Variants in VAT1L observed in about 807,000 individuals in gnomAD.
VAT1L encodes the protein vesicle amine transport 1 like, also known as putative NADPH-dependent quinone oxidoreductase VAT1L.
VAT1L carries 34 observed loss-of-function variants against 44.1 expected under a neutral mutation model. That is an observed-to-expected ratio of 0.77 (90% confidence interval 0.59 to 1.03). VAT1L has a LOEUF of 1.03. Among genes scored for constraint, VAT1L ranks in the 50% least tolerant of loss-of-function variants. The pLI, the probability that VAT1L is intolerant of heterozygous loss-of-function variation, is 0.00. For synonymous variants in VAT1L, 253 were observed against 202.2 expected, an observed-to-expected ratio of 1.25 and a Z score of -2.13; for missense variants, 615 against 538.8, an observed-to-expected ratio of 1.14 and a Z score of -1.40.
At chr16:77,943,760 A>C (rs559159223) in intron 7 of VAT1L, among the ~76,000 whole-genome samples, 1 of 152,232 alleles carries the variant, frequency 6.6e-6, no homozygotes, top group South Asian at 2.1e-4. Flanking sequence ...CAGACAAGTC[A>C]CTTAGCCTCT....
chr16:77,929,418 C>A (rs1284425360), intron 7 of VAT1L, among the ~76,000 whole-genome samples: 1 of 152,148 alleles, frequency 6.6e-6, no homozygotes, highest in African/African-American at 2.4e-5. Context: ...AGTTTCAAGA[C>A]AAGCTGAATT....
In VAT1L at chr16:77,826,957, T is replaced by G. The variant is rs1828908422; in HGVS notation, c.579+1496T>G. 2.0e-5 allele frequency among the ~76,000 whole-genome samples: 3 copies of G among 152,176 alleles called. 1 individual carries two copies. The South Asian group carries it at 6.2e-4, about 31-fold the overall frequency. On this transcript the variant is annotated intron_variant, in intron 3 of 8. Transcript: ENST00000302536. ...ACCGTTGATTTTAAAAAAGAAAAAC[T>G]TGGCTTTCTGTAACTATTAAAACTC...
intron 4 of VAT1L, among the ~76,000 whole-genome samples, chr16:77,870,990 C>T (rs1483575181): frequency 6.6e-6 from 1 of 150,708 alleles, no homozygotes; most frequent in South Asian, 2.1e-4. Context: ...CTAAATAGAC[C>T]CAACTGAATC....
At chr16:77,806,240 C>T (rs539562952) in intron 1 of VAT1L, among the ~76,000 whole-genome samples, 8 of 151,746 alleles carry the variant, frequency 5.3e-5, no homozygotes, top group African/African-American at 1.9e-4. Flanking sequence ...GATGGACTCT[C>T]GCTCTGTCAC....
At chr16:77,834,428 G>C (rs1481384830) in intron 3 of VAT1L, among the ~76,000 whole-genome samples, 1 of 152,126 alleles carries the variant, frequency 6.6e-6, no homozygotes, top group East Asian at 1.9e-4. Context: ...ATGCATCTGA[G>C]TTTGGACCAA....
At chr16:77,975,981 T>C (rs2018335882) in intron 8 of VAT1L, among the ~76,000 whole-genome samples, 1 of 152,344 alleles carries the variant, frequency 6.6e-6, no homozygotes, top group South Asian at 2.1e-4. Context: ...TAATTACTAC[T>C]ATTGCTGCTA....
At chr16:77,819,800 C>T (rs752529277) in intron 2 of VAT1L, among the ~76,000 whole-genome samples, 1 of 152,218 alleles carries the variant, frequency 6.6e-6, no homozygotes, top group African/African-American at 2.4e-5. Flanking sequence ...AGCTGTTCCT[C>T]CTGCTTTCTG....
intron 3 of VAT1L, among the ~76,000 whole-genome samples, chr16:77,831,128 A>C (rs1029615332): frequency 2.0e-5 from 3 of 152,220 alleles, no homozygotes; most frequent in Non-Finnish European, 2.9e-5. Flanking sequence ...GGTAAGAAGA[A>C]GACAGGCAAA....
rs568093446 is a variant in VAT1L at position 77,922,187 on chromosome 16, G to A, written c.1077+37385G>A. 1.9e-4 allele frequency among the ~76,000 whole-genome samples: 29 copies of A among 150,082 alleles called. 1 individual carries two copies. The East Asian group carries it at 4.9e-3, about 25-fold the overall frequency. On this transcript the variant is annotated intron_variant, in intron 7 of 8. Transcript: ENST00000302536. ...GTGTGAGTTTGGGATGGCGGGCGGG[G>A]GTGGAGGGGCAGTGTCTGTATGTGT...
At chr16:77,881,471 A>G (rs570542681) in intron 6 of VAT1L, among the ~76,000 whole-genome samples, 5 of 152,344 alleles carry the variant, frequency 3.3e-5, no homozygotes, top group African/African-American at 1.2e-4. Context: ...TAAAATAGAA[A>G]ATAGCAGGGT....
intron 2 of VAT1L, among the ~76,000 whole-genome samples, chr16:77,819,690 G>T (rs1597179061): frequency 1.3e-5 from 2 of 152,160 alleles, no homozygotes; most frequent in South Asian, 4.1e-4. Flanking sequence ...GCCTGAAGAT[G>T]ATATTCTTCA....
At position 77,879,415 on chromosome 16, in the gene VAT1L, C is replaced by T. The variant is rs2017125549; in HGVS notation, c.882+191C>T. Among the ~76,000 whole-genome samples the T allele has an allele frequency of 6.6e-6, 1 of 152,174 alleles. No homozygotes were observed. Among genetic ancestry groups the T allele is most frequent in the Non-Finnish European group, 1.5e-5 (1 of 68,032 alleles). On this transcript the variant is annotated intron_variant, in intron 6 of 8. Coordinates refer to ENST00000302536, the MANE Select transcript of VAT1L (RefSeq NM_020927.3). The surrounding 1 kb of genome is among the most constrained non-coding windows in gnomAD (Gnocchi z 4.1). ...AAGCGATTCTCCTGCCTCAGCCTCC[C>T]TAGTAGCTGGGATTACAGGCATGCG...
chr16:77,947,031 T>C (rs749056318), intron 7 of VAT1L, among the ~76,000 whole-genome samples: 1 of 152,212 alleles, frequency 6.6e-6, no homozygotes. Flanking sequence ...TCAAGGCTGA[T>C]AGATATTCCT....
At chr16:77,850,318 T>A (rs2016795684) in intron 3 of VAT1L, among the ~76,000 whole-genome samples, 2 of 152,162 alleles carry the variant, frequency 1.3e-5, no homozygotes, top group African/African-American at 4.8e-5. Flanking sequence ...AGGTAGGTAA[T>A]ATCATCCCAA....
At chr16:77,845,564 G>C (rs999773647) in intron 3 of VAT1L, among the ~76,000 whole-genome samples, 1 of 152,090 alleles carries the variant, frequency 6.6e-6, no homozygotes, top group Non-Finnish European at 1.5e-5. Flanking sequence ...GGGTCCACTT[G>C]TGGGGAAATT....
At chr16:77,911,165 A>C (rs1156568273) in intron 7 of VAT1L, among the ~76,000 whole-genome samples, 1 of 152,246 alleles carries the variant, frequency 6.6e-6, no homozygotes, top group East Asian at 1.9e-4. Context: ...GCTGATTCAC[A>C]ATGAAAAACA....
At chr16:77,831,779 G>C (rs1191199151) in intron 3 of VAT1L, among the ~76,000 whole-genome samples, 1 of 151,806 alleles carries the variant, frequency 6.6e-6, no homozygotes, top group Non-Finnish European at 1.5e-5. Flanking sequence ...TAACCGTTTG[G>C]TACCAGTGGT....
chr16:77,903,455 A>G (rs1200863229), intron 7 of VAT1L, among the ~76,000 whole-genome samples: 2 of 152,290 alleles, frequency 1.3e-5, no homozygotes, highest in East Asian at 1.9e-4. Context: ...ATTAATATAC[A>G]TAACACCTAT....
At chr16:77,917,020 T>G (rs2017559453) in intron 7 of VAT1L, among the ~76,000 whole-genome samples, 1 of 152,214 alleles carries the variant, frequency 6.6e-6, no homozygotes, top group Admixed American at 6.5e-5. Flanking sequence ...GATCAAAGTT[T>G]ATTATTCATC....
Sources: gnomAD v4.1 joint callset for allele counts (sites outside exome capture counted in the v4.1 genomes callset) on GRCh38, gnomAD v4.1.1 for gene constraint, Gnocchi (gnomAD v3.1) non-coding constraint, MANE v1.5 for transcripts, NCBI Gene and HGNC (gene_info 2026-07-23, HGNC 2026-07-21) for gene names.